The following SNTB1 variants were observed in gnomAD, a reference collection of about 807,000 sequenced individuals.
SNTB1 encodes beta-1-syntrophin.
A neutral mutation model predicts 48.9 loss-of-function variants in SNTB1; 36 were observed. The observed-to-expected ratio is 0.74, with a 90% CI of 0.56 to 0.97. SNTB1 has a LOEUF of 0.97. SNTB1 is among the 50% of genes least tolerant of loss of function. The pLI, the probability that SNTB1 is intolerant of heterozygous loss-of-function variation, is 0.00. For missense variants in SNTB1, 786 were observed against 703.4 expected (o/e 1.12, Z -1.33); for synonymous variants, 299 against 294.6 (o/e 1.01, Z -0.15).
chr8:120,556,009 C>CAGAACTGTGAAAACTAAAT, intron 4 of SNTB1, among the ~76,000 whole-genome samples: 1 of 152,144 alleles, frequency 6.6e-6, no homozygotes, highest in East Asian at 1.9e-4. Flanking sequence ...TTGTTGGCAC[C>CAGAACTGTGAAAACTAAAT]ACCCAGTCTG....
intron 4 of SNTB1, among the ~76,000 whole-genome samples, chr8:120,554,001 G>GA (rs953907207): frequency 1.2e-4 from 18 of 150,166 alleles, no homozygotes; most frequent in East Asian, 7.8e-4. Flanking sequence ...CCGTCTCAAA[G>GA]AAAAAAAAAA....
At chr8:120,746,583 T>C (rs572984574) in intron 1 of SNTB1, among the ~76,000 whole-genome samples, 6 of 152,350 alleles carry the variant, frequency 3.9e-5, no homozygotes, top group Non-Finnish European at 7.3e-5. Context: ...AGAAAAAATT[T>C]ACCTACCCCA....
At chr8:120,654,440 G>C (rs1426232017) in intron 2 of SNTB1, among the ~76,000 whole-genome samples, 1 of 152,142 alleles carries the variant, frequency 6.6e-6, no homozygotes, top group Non-Finnish European at 1.5e-5. Context: ...CTGTAGTTCA[G>C]CGATAAAGTT....
intron 1 of SNTB1, among the ~76,000 whole-genome samples, chr8:120,747,716 T>C (rs1819151194): frequency 6.6e-6 from 1 of 151,770 alleles, no homozygotes; most frequent in Admixed American, 6.6e-5. Flanking sequence ...AAAAAATAAC[T>C]AATGGTTACT....
At chr8:120,781,028 C>G (rs1463796747) in intron 1 of SNTB1, among the ~76,000 whole-genome samples, 1 of 152,138 alleles carries the variant, frequency 6.6e-6, no homozygotes, top group East Asian at 1.9e-4. Flanking sequence ...ATCATCTAAT[C>G]CCTGGTTTCC....
chr8:120,602,138 T>C (rs1243054279), intron 3 of SNTB1, among the ~76,000 whole-genome samples: 1 of 152,232 alleles, frequency 6.6e-6, no homozygotes, highest in Non-Finnish European at 1.5e-5. Flanking sequence ...TGTCTGCATA[T>C]GAAGATGGAA....
chr8:120,753,030 A>G (rs1819250703), intron 1 of SNTB1, among the ~76,000 whole-genome samples: 1 of 151,686 alleles, frequency 6.6e-6, no homozygotes, highest in Non-Finnish European at 1.5e-5. Flanking sequence ...ACTGGAAAAG[A>G]AGCAATATGT....
At chr8:120,612,563 A>AT (rs1816642731) in intron 3 of SNTB1, among the ~76,000 whole-genome samples, 3 of 151,954 alleles carry the variant, frequency 2.0e-5, no homozygotes, top group South Asian at 2.1e-4. Context: ...CTTTTATTTT[A>AT]TTTTTTTGAG....
Position 120,726,793 on chromosome 8 carries a change from T to A in SNTB1, c.572-32885A>T, listed in dbSNP as rs80086065. Among the ~76,000 whole-genome samples, 562 of 152,292 alleles carry A rather than the reference T, an allele frequency of 3.7e-3. 4 individuals are homozygous for A. Among genetic ancestry groups the A allele is most frequent in the African/African-American group, 0.013 (537 of 41,556 alleles). ...TCCAGTAGGGTTTTGAAGAGGCACA[T>A]CCTGGCAATGTGGGAGAGTGTTGGT... On this transcript the variant is annotated intron_variant, in intron 1 of 6. Transcript: ENST00000517992.
At chr8:120,635,557 CCTAA>C (rs750584155) in intron 2 of SNTB1, 60 of 160,106 alleles carry the variant, frequency 3.7e-4, no homozygotes, top group Non-Finnish European at 8.1e-4. Context: ...CACCATCTTT[CCTAA>C]CTTCTATATT....
intron 3 of SNTB1, among the ~76,000 whole-genome samples, chr8:120,610,986 T>C (rs918008457): frequency 6.6e-6 from 1 of 152,044 alleles, no homozygotes; most frequent in African/African-American, 2.4e-5. Flanking sequence ...ACCCCAAAGA[T>C]TTGGGGGAAA....
intron 1 of SNTB1, among the ~76,000 whole-genome samples, chr8:120,793,493 A>C (rs542693516): frequency 1.3e-5 from 2 of 152,086 alleles, no homozygotes; most frequent in Non-Finnish European, 2.9e-5. Flanking sequence ...GAGAGAGGAC[A>C]CAGGCTGCCC....
At chr8:120,790,211 A>G (rs1820004704) in intron 1 of SNTB1, among the ~76,000 whole-genome samples, 1 of 152,018 alleles carries the variant, frequency 6.6e-6, no homozygotes, top group South Asian at 2.1e-4. Context: ...AAACCATCAA[A>G]AAACTAGACA....
intron 2 of SNTB1, among the ~76,000 whole-genome samples, chr8:120,646,596 T>C (rs1193789279): frequency 6.6e-6 from 1 of 152,022 alleles, no homozygotes; most frequent in African/African-American, 2.4e-5. Context: ...TTTGCATTAA[T>C]GTTCATCAAG....
At position 120,594,049 on chromosome 8, in the gene SNTB1, A is replaced by G. The variant is rs560097950; in HGVS notation, c.997-18824T>C. Among the ~76,000 whole-genome samples, 67 of 146,996 alleles carry G rather than the reference A, an allele frequency of 4.6e-4. 1 individual carries two copies. In the South Asian group the frequency reaches 0.015, roughly 32 times the overall value. The stretch of plus-strand genomic sequence containing the variant: ...ATATCTCTTCTAAGGAGCTCAGTAC[A>G]TGTCTTTATTTATTTATTTATTTAT... On this transcript the variant is annotated intron_variant, in intron 3 of 6. Coordinates refer to ENST00000517992, the MANE Select transcript of SNTB1 (RefSeq NM_021021.4).
intron 5 of SNTB1, among the ~76,000 whole-genome samples, chr8:120,547,761 G>C (rs1392742781): frequency 2.0e-5 from 3 of 152,060 alleles, no homozygotes; most frequent in Non-Finnish European, 4.4e-5. Context: ...TAAGAGCTCT[G>C]TGTGAATGTG....
chr8:120,548,031 A>G (rs1815412504), intron 5 of SNTB1, among the ~76,000 whole-genome samples: 1 of 152,098 alleles, frequency 6.6e-6, no homozygotes. Flanking sequence ...TTGGGGGCGG[A>G]TCCTTCATGA....
chr8:120,575,179 A>C lies in SNTB1; in HGVS notation c.1043T>G (p.Leu348Arg). 1 of 1,614,152 alleles carries C rather than the reference A, an allele frequency of 6.2e-7. No homozygotes were observed. Among genetic ancestry groups the C allele is most frequent in the African/African-American group, 1.3e-5 (1 of 75,026 alleles). The change falls in exon 4 of 7, where the codon CTG (leucine) becomes CGG (arginine). Residue 348 changes from leucine to arginine, a missense_variant. Coordinates refer to ENST00000517992, the MANE Select transcript of SNTB1 (RefSeq NM_021021.4). ...ATAGATTAAAAGGTCTTTCTCAGTC[A>C]GCACAACCAGGGCTGGTTTCCACTG... is the stretch of plus-strand genomic sequence containing the variant. ...KKQWKPALVV[L>R]TEKDLLIYDS...
At chr8:120,693,331 C>G (rs570138092) in intron 2 of SNTB1, among the ~76,000 whole-genome samples, 2 of 152,260 alleles carry the variant, frequency 1.3e-5, no homozygotes, top group South Asian at 2.1e-4. Flanking sequence ...TTCTCACAAC[C>G]AAACAAGGCA....
Sources: gnomAD v4.1 joint callset for allele counts (sites outside exome capture counted in the v4.1 genomes callset) on GRCh38, gnomAD v4.1.1 for gene constraint, MANE v1.5 for transcripts, NCBI Gene and HGNC (gene_info 2026-07-23, HGNC 2026-07-21) for gene names.